PCDHA5: variants seen among roughly 807,000 people sequenced by gnomAD.
PCDHA5 encodes the protein protocadherin alpha 5, also known as protocadherin alpha-5.
A neutral mutation model predicts 61.6 loss-of-function variants in PCDHA5; 43 were observed. That is an observed-to-expected ratio of 0.70 (90% CI 0.55 to 0.90). The LOEUF (loss-of-function observed/expected upper bound fraction) is 0.90. PCDHA5 is among the 40% of genes least tolerant of loss of function. The pLI, the probability that PCDHA5 is intolerant of heterozygous loss-of-function variation, is 0.00. For synonymous variants in PCDHA5, 627 were observed against 543.9 expected, an observed-to-expected ratio of 1.15 and a Z score of -2.13; for missense variants, 1,298 against 1,222.7, an observed-to-expected ratio of 1.06 and a Z score of -0.92.
chr5:140,852,930 G>C (rs1581296305), intron 1 of PCDHA5: 3 of 621,568 alleles, frequency 4.8e-6, no homozygotes, highest in Admixed American at 1.3e-4. Context: ...CCAGGCTGGA[G>C]TGCAGTGGTG....
Position 140,978,928 on chromosome 5 carries a change from ACT to A in PCDHA5, c.2353-16_2353-15del. ...CATTGTCTTGTCATTTTAACAGAAA[ACT>A]CTCTTTGTGATTTTGCAGCCACGAC... On this transcript the variant is annotated intron_variant, in intron 1 of 3. Coordinates refer to ENST00000529859, the MANE Select transcript of PCDHA5 (RefSeq NM_018908.3). The A allele has an allele frequency of 6.2e-7, 1 of 1,613,190 alleles. No homozygotes were observed. Among genetic ancestry groups the A allele is most frequent in the Admixed American group, 1.7e-5 (1 of 59,890 alleles).
intron 1 of PCDHA5, chr5:140,871,156 G>A (rs200268029): frequency 4.7e-5 from 76 of 1,613,328 alleles, no homozygotes; most frequent in Admixed American, 3.0e-4. Context: ...TTTGGCGGGC[G>A]CCGCGAGCCC....
chr5:140,919,335 G>A (rs1347619989), intron 1 of PCDHA5, among the ~76,000 whole-genome samples: 2 of 152,122 alleles, frequency 1.3e-5, no homozygotes, highest in African/African-American at 4.8e-5. Context: ...CTTTCAATCT[G>A]TTTGTATCTT....
intron 1 of PCDHA5, chr5:140,861,443 C>T (rs782609099): frequency 4.1e-6 from 2 of 493,194 alleles, no homozygotes; most frequent in Non-Finnish European, 8.3e-6. Context: ...CCAAAAGCCG[C>T]AGAAACCTTC....
intron 1 of PCDHA5, among the ~76,000 whole-genome samples, chr5:140,840,497 T>C (rs2150307403): frequency 3.9e-5 from 6 of 152,088 alleles, no homozygotes; most frequent in African/African-American, 1.2e-4. Context: ...TTCTGGTAAA[T>C]ACTCACTTTT....
chr5:140,978,701 G>A (rs1240672824), intron 1 of PCDHA5, among the ~76,000 whole-genome samples: 1 of 152,236 alleles, frequency 6.6e-6, no homozygotes, highest in African/African-American at 2.4e-5. Context: ...AAAGCCAAAG[G>A]TGGCCTTTAC....
At chr5:140,851,681 T>C (rs1405649457) in intron 1 of PCDHA5, 22 of 923,332 alleles carry the variant, frequency 2.4e-5, no homozygotes, top group Non-Finnish European at 2.8e-5. Flanking sequence ...ATTTTCTCCA[T>C]TCAGTGATAA....
chr5:140,968,932 A>G, intron 1 of PCDHA5: 3 of 1,614,164 alleles, frequency 1.9e-6, no homozygotes, highest in Non-Finnish European at 2.5e-6. Flanking sequence ...TTCTTTTGAC[A>G]ATCATCATTT....
At chr5:140,846,369 CTTTCTTTT>C (rs1383135260) in intron 1 of PCDHA5, among the ~76,000 whole-genome samples, 4 of 102,192 alleles carry the variant, frequency 3.9e-5, no homozygotes, top group Admixed American at 2.1e-4. Context: ...TCTTTTCTTT[CTTTCTTTT>C]TTTTTTTTTT....
At chr5:140,891,371 T>C (rs1483919316) in intron 1 of PCDHA5, among the ~76,000 whole-genome samples, 1 of 152,146 alleles carries the variant, frequency 6.6e-6, no homozygotes, top group Non-Finnish European at 1.5e-5. Flanking sequence ...CAGTATACAT[T>C]GCACCATATT....
chr5:140,856,813 G>T (rs150906180), intron 1 of PCDHA5: 1 of 1,594,284 alleles, frequency 6.3e-7, no homozygotes, highest in East Asian at 2.2e-5. Context: ...AAAATCAAGT[G>T]AACCAAACAT....
At chr5:140,831,516 C>G (rs572603415) in intron 1 of PCDHA5, among the ~76,000 whole-genome samples, 1 of 130,566 alleles carries the variant, frequency 7.7e-6, no homozygotes, top group African/African-American at 3.1e-5. Context: ...ACCATGCCCC[C>G]CACCTTTTTT....
rs2150111763 is a variant in PCDHA5 at position 140,821,898 on chromosome 5, A to C, written c.123A>C (p.Gly41=). The change falls in exon 1 of 4, where the codon GGA becomes GGC. Residue 41 remains glycine (G), a synonymous_variant. Transcript: ENST00000529859. ...CGATCCCGGAGGAAGCCAAACACGG[A>C]ACCTTCGTTGGCCGCATCGCGCAGG... ...HYSIPEEAKH[G]TFVGRIAQDL... 6.2e-7 allele frequency: 1 copy of C among 1,614,196 alleles called. No individual in the cohort carries two copies. The highest frequency in any genetic ancestry group is 2.2e-5 in the East Asian group (1 of 44,892).
intron 1 of PCDHA5, among the ~76,000 whole-genome samples, chr5:140,949,802 A>G (rs974562597): frequency 1.3e-5 from 2 of 151,818 alleles, no homozygotes; most frequent in Admixed American, 6.6e-5. Flanking sequence ...CCTTCAATAC[A>G]TTATTTGCTT....
intron 1 of PCDHA5, chr5:140,834,304 A>G (rs2150215159): frequency 5.3e-6 from 7 of 1,322,818 alleles, no homozygotes; most frequent in South Asian, 1.4e-5. Context: ...ACACATCGAG[A>G]TTGAAATGAA....
In PCDHA5 at chr5:140,883,718, G is replaced by A. The variant is rs376943163; in HGVS notation, c.2352+59591G>A. 7 of 1,613,642 alleles carry A rather than the reference G, an allele frequency of 4.3e-6. No homozygotes were observed. The South Asian group carries it at 6.6e-5, about 15-fold the overall frequency. ...CACGGTGTCTGCTCAGGACGCGGAC[G>A]CACAGGAGAACGCGCTGGTCTCCTA... On this transcript the variant is annotated intron_variant, in intron 1 of 3. Transcript: ENST00000529859.
At position 140,928,325 on chromosome 5, in the gene PCDHA5, G is replaced by A. The variant is rs1432328240; in HGVS notation, c.2353-50624G>A. 3.1e-6 allele frequency: 5 copies of A among 1,614,020 alleles called. No homozygotes were observed. The African/African-American group carries it at 6.7e-5, about 22-fold the overall frequency. ...CAGGACCCCGACCTGGGGAAGAATGGCCTTGTCTCTTATGAGCTGTTGGAT... is the reference window on the plus strand; with the variant it reads ...CAGGACCCCGACCTGGGGAAGAATGACCTTGTCTCTTATGAGCTGTTGGAT... On this transcript the variant is annotated intron_variant, in intron 1 of 3. Transcript: ENST00000529859.
chr5:140,907,479 G>A (rs782466276), intron 1 of PCDHA5, among the ~76,000 whole-genome samples: 1 of 152,216 alleles, frequency 6.6e-6, no homozygotes, highest in Non-Finnish European at 1.5e-5. Context: ...TGCAGGATAG[G>A]CAAACCCATA....
chr5:140,943,719 T>G (rs1198620937), intron 1 of PCDHA5, among the ~76,000 whole-genome samples: 2 of 152,126 alleles, frequency 1.3e-5, no homozygotes, highest in African/African-American at 4.8e-5. Context: ...TTTAAAGGTC[T>G]GAGAGAATGA....
Sources: gnomAD v4.1 joint callset for allele counts (sites outside exome capture counted in the v4.1 genomes callset) on GRCh38, gnomAD v4.1.1 for gene constraint, MANE v1.5 for transcripts, NCBI Gene and HGNC (gene_info 2026-07-23, HGNC 2026-07-21) for gene names.